BRINP1: variants seen among roughly 807,000 people sequenced by gnomAD.
BRINP1 encodes the protein BMP/retinoic acid inducible neural specific 1, also known as BMP/retinoic acid-inducible neural-specific protein 1.
A neutral mutation model predicts 72.9 loss-of-function variants in BRINP1; 17 were observed. That is an observed-to-expected ratio of 0.23 (90% CI 0.16 to 0.35). The LOEUF (loss-of-function observed/expected upper bound fraction) is 0.35. BRINP1 is among the 10% of genes least tolerant of loss of function. The pLI is 1.00. For synonymous variants in BRINP1, 418 were observed against 378.5 expected (o/e 1.10, Z -1.21); for missense variants, 850 against 1,001.6 (o/e 0.85, Z 2.04).
chr9:119,169,824 C>G, intron 7 of BRINP1, among the ~76,000 whole-genome samples: 1 of 152,216 alleles, frequency 6.6e-6, no homozygotes, highest in South Asian at 2.1e-4. Flanking sequence ...TCCCTGACCC[C>G]TGACCCCTGA....
intron 5 of BRINP1, among the ~76,000 whole-genome samples, chr9:119,225,229 T>C (rs954921758): frequency 6.6e-6 from 1 of 152,066 alleles, no homozygotes; most frequent in Admixed American, 6.6e-5. Flanking sequence ...TACTGATACA[T>C]GCTACAACAT....
At chr9:119,291,587 A>G (rs1588193741) in intron 2 of BRINP1, among the ~76,000 whole-genome samples, 2 of 152,328 alleles carry the variant, frequency 1.3e-5, no homozygotes, top group Admixed American at 1.3e-4. Flanking sequence ...GGTTCTGTAC[A>G]TATGTTTACA....
chr9:119,281,651 CA>C (rs1295913546), intron 2 of BRINP1, among the ~76,000 whole-genome samples: 1 of 145,852 alleles, frequency 6.9e-6, no homozygotes, highest in Non-Finnish European at 1.5e-5. Flanking sequence ...TAGTTCATAA[CA>C]CATCCTTATA....
chr9:119,340,096 T>C lies in BRINP1; in HGVS notation c.-50-26691A>G, dbSNP rs77431326. On this transcript the variant is annotated intron_variant, in intron 1 of 7. Transcript: ENST00000265922. ...CTAGAGGAGGATCCATGAGCTGTTC[T>C]TCCTCTCCAGAGTTGACACCTAAAA... Among the ~76,000 whole-genome samples the C allele has an allele frequency of 3.5e-3, 527 of 152,322 alleles. 3 individuals carry two copies. In the East Asian group the frequency reaches 0.036, roughly 11 times the overall value.
intron 2 of BRINP1, among the ~76,000 whole-genome samples, chr9:119,272,558 C>T (rs1210146373): frequency 6.6e-6 from 1 of 152,140 alleles, no homozygotes; most frequent in East Asian, 1.9e-4. Flanking sequence ...AATTGAAAGT[C>T]CTAACAAGCT....
intron 5 of BRINP1, among the ~76,000 whole-genome samples, chr9:119,214,833 A>C (rs1829962339): frequency 6.6e-6 from 1 of 152,226 alleles, no homozygotes; most frequent in Non-Finnish European, 1.5e-5. Context: ...AAAGAAGAAC[A>C]GGAAGGACAT....
chr9:119,311,266 G>T (rs977351486), intron 2 of BRINP1, among the ~76,000 whole-genome samples: 1 of 152,142 alleles, frequency 6.6e-6, no homozygotes, highest in African/African-American at 2.4e-5. Context: ...ATGACCAGGG[G>T]CCTAACTTCT....
At chr9:119,300,775 G>A (rs1413364620) in intron 2 of BRINP1, among the ~76,000 whole-genome samples, 1 of 152,124 alleles carries the variant, frequency 6.6e-6, no homozygotes, top group Non-Finnish European at 1.5e-5. Context: ...AACAGCTCTT[G>A]CCAAGGTCAA....
chr9:119,265,724 C>T (rs370062854), intron 2 of BRINP1, among the ~76,000 whole-genome samples: 18 of 152,240 alleles, frequency 1.2e-4, no homozygotes, highest in African/African-American at 4.1e-4. Context: ...TCAATCAGTA[C>T]CTTTTTTTAA....
At chr9:119,222,577 C>CA (rs1392924863) in intron 5 of BRINP1, among the ~76,000 whole-genome samples, 6 of 151,972 alleles carry the variant, frequency 3.9e-5, no homozygotes, top group Admixed American at 3.9e-4. Context: ...ATAAGGCATC[C>CA]ATCATGTGCA....
rs12002868 is a variant in BRINP1, at chr9:119,168,457, C to T, written c.1146-233G>A. On this transcript the variant is annotated intron_variant, in intron 7 of 7. Coordinates refer to ENST00000265922, the MANE Select transcript of BRINP1 (RefSeq NM_014618.3). ...CTTTACCTTCCTAATGTTCAATGTCCTCATCTGCAAAGTGAAGGGGTTGGA... is the reference window on the plus strand; with the variant it reads ...CTTTACCTTCCTAATGTTCAATGTCTTCATCTGCAAAGTGAAGGGGTTGGA... 3.9e-3 allele frequency among the ~76,000 whole-genome samples: 597 copies of T among 152,090 alleles called. 6 individuals are homozygous for T. Among genetic ancestry groups the T allele is most frequent in the African/African-American group, 0.014 (565 of 41,372 alleles).
chr9:119,361,071 T>G (rs773137038), intron 1 of BRINP1, among the ~76,000 whole-genome samples: 35 of 152,056 alleles, frequency 2.3e-4, no homozygotes, highest in Non-Finnish European at 4.0e-4. Context: ...AATGATATAT[T>G]TTGTGTCCTC....
intron 1 of BRINP1, among the ~76,000 whole-genome samples, chr9:119,366,113 G>C (rs2119048127): frequency 6.6e-6 from 1 of 152,074 alleles, no homozygotes; most frequent in South Asian, 2.1e-4. Flanking sequence ...ACACAATTTG[G>C]TGTGGAGGTT....
At chr9:119,209,221 T>C (rs1829893292) in intron 6 of BRINP1, among the ~76,000 whole-genome samples, 1 of 152,226 alleles carries the variant, frequency 6.6e-6, no homozygotes, top group African/African-American at 2.4e-5. Flanking sequence ...GTAATATTCG[T>C]ATATTATTAC....
chr9:119,294,196 A>T (rs1588194647), intron 2 of BRINP1, among the ~76,000 whole-genome samples: 1 of 152,336 alleles, frequency 6.6e-6, no homozygotes, highest in Non-Finnish European at 1.5e-5. Context: ...ACACTTAGGG[A>T]TACAGTTAAG....
chr9:119,199,706 A>G (rs1829783959), intron 7 of BRINP1, among the ~76,000 whole-genome samples: 1 of 152,218 alleles, frequency 6.6e-6, no homozygotes, highest in African/African-American at 2.4e-5. Flanking sequence ...TATAAGTAAG[A>G]AATATCAAAT....
At chr9:119,176,419 C>A (rs1189793746) in intron 7 of BRINP1, among the ~76,000 whole-genome samples, 1 of 152,160 alleles carries the variant, frequency 6.6e-6, no homozygotes. Flanking sequence ...ATCACTTCCA[C>A]TGATGAGCCA....
intron 1 of BRINP1, among the ~76,000 whole-genome samples, chr9:119,361,360 G>T (rs990287486): frequency 5.3e-5 from 8 of 152,154 alleles, no homozygotes; most frequent in African/African-American, 1.9e-4. Flanking sequence ...TTTCTGGGCT[G>T]CTGTGTTCCA....
chr9:119,180,364 C>T (rs12000921), intron 7 of BRINP1, among the ~76,000 whole-genome samples: 3,823 of 152,218 alleles, frequency 0.025, 142 homozygotes, highest in African/African-American at 0.088. Flanking sequence ...TCTGTGACTC[C>T]ACAAAATGTG....
Sources: allele counts gnomAD v4.1 joint callset (sites outside exome capture counted in the v4.1 genomes callset), GRCh38; gene constraint gnomAD v4.1.1; transcripts MANE v1.5; gene names NCBI Gene and HGNC (gene_info 2026-07-23, HGNC 2026-07-21).